TNS1: variants seen among roughly 807,000 people sequenced by gnomAD.
TNS1 encodes tensin-1.
A neutral mutation model predicts 168.6 loss-of-function variants in TNS1; 62 were observed. The ratio of observed to expected loss-of-function variants is 0.37; its 90% CI spans 0.30 to 0.45. TNS1 has a LOEUF of 0.45. TNS1 is among the 20% of genes least tolerant of loss of function. The pLI, the probability that TNS1 is intolerant of heterozygous loss-of-function variation, is 1.00. For missense variants in TNS1, 2,240 were observed against 2,339.4 expected, an observed-to-expected ratio of 0.96 and a Z score of 0.88; for synonymous variants, 934 against 933.2, an observed-to-expected ratio of 1.00 and a Z score of -0.02.
rs138528346 is a variant in TNS1, at chr2:217,973,430, A to G, written c.186+5335T>C. 1.7e-4 allele frequency among the ~76,000 whole-genome samples: 26 copies of G among 151,982 alleles called. No homozygotes were observed. The East Asian group carries it at 4.8e-3, about 28-fold the overall frequency. On this transcript the variant is annotated intron_variant, in intron 3 of 32. Coordinates refer to ENST00000682258, the MANE Select transcript of TNS1 (RefSeq NM_001387777.1). ...CTGGGCCATTCATTTTAAATCCTCA[A>G]CAGGAGAGAAACAACTGGGGACAGA...
rs1381209380 is a variant in TNS1, at chr2:217,835,010, C to T, written c.3280+81G>A. 4 of 1,310,850 alleles carry T rather than the reference C, an allele frequency of 3.1e-6. No homozygotes were observed. The East Asian group carries it at 1.1e-4, about 35-fold the overall frequency. 81.2% of individuals were successfully genotyped at this position (1,310,850 alleles called of 1,614,324 possible). ...GGCACTGTCACCCCCAACCCTCAGG[C>T]CTGGGGCACTCCCACAGGCAGGGTT... On this transcript the variant is annotated intron_variant, in intron 21 of 32. Coordinates refer to ENST00000682258, the MANE Select transcript of TNS1 (RefSeq NM_001387777.1).
In TNS1 at chr2:217,980,332, G is replaced by A. The variant is rs537178642; in HGVS notation, c.149-1530C>T. ...TCTTTCTGCTTCTCCCTCTCCCTCA[G>A]CACCACCACCAGCCCGGGTAGCAAC... On this transcript the variant is annotated intron_variant, in intron 2 of 32. Coordinates refer to ENST00000682258, the MANE Select transcript of TNS1 (RefSeq NM_001387777.1). Among the ~76,000 whole-genome samples the A allele has an allele frequency of 7.2e-5, 11 of 152,140 alleles. No individual in the cohort carries two copies. In the South Asian group the frequency reaches 2.3e-3, roughly 32 times the overall value.
chr2:217,808,326 G>T (rs543581677), intron 31 of TNS1, among the ~76,000 whole-genome samples: 2 of 152,166 alleles, frequency 1.3e-5, no homozygotes, highest in African/African-American at 4.8e-5. Context: ...CTCCTGAGGG[G>T]CTCTCCCCAT....
chr2:217,989,525 A>C (rs1401330859), intron 2 of TNS1, among the ~76,000 whole-genome samples: 1 of 152,082 alleles, frequency 6.6e-6, no homozygotes, highest in Admixed American at 6.5e-5. Flanking sequence ...GGGTGAGTGA[A>C]GGTGTCAGCC....
chr2:218,016,856 G>A (rs1390948141), intron 1 of TNS1, among the ~76,000 whole-genome samples: 2 of 152,206 alleles, frequency 1.3e-5, no homozygotes, highest in African/African-American at 4.8e-5. Flanking sequence ...GAAAGGAAAG[G>A]GAGACAGGGA....
intron 3 of TNS1, among the ~76,000 whole-genome samples, chr2:217,935,734 A>G (rs2125918955): frequency 6.6e-6 from 1 of 152,344 alleles, no homozygotes; most frequent in East Asian, 1.9e-4. Context: ...AGTAATAACC[A>G]TAACAAAAAC....
intron 23 of TNS1, among the ~76,000 whole-genome samples, chr2:217,821,349 C>T (rs570144914): frequency 2.0e-5 from 3 of 152,256 alleles, no homozygotes; most frequent in East Asian, 1.9e-4. Flanking sequence ...AGGATTGCTG[C>T]GAGGATTAAA....
chr2:217,916,306 C>T (rs966986652), intron 4 of TNS1, among the ~76,000 whole-genome samples: 3 of 151,834 alleles, frequency 2.0e-5, no homozygotes, highest in East Asian at 1.9e-4. Flanking sequence ...CCAGACCCCC[C>T]ACCCTGACCT....
Position 217,956,510 on chromosome 2 carries a change from A to T in TNS1, c.186+22255T>A, listed in dbSNP as rs113502917. Among the ~76,000 whole-genome samples, 240 of 152,278 alleles carry T rather than the reference A, an allele frequency of 1.6e-3. 1 individual carries two copies. Among genetic ancestry groups the T allele is most frequent in the African/African-American group, 5.4e-3 (226 of 41,568 alleles). On this transcript the variant is annotated intron_variant, in intron 3 of 32. Coordinates refer to ENST00000682258, the MANE Select transcript of TNS1 (RefSeq NM_001387777.1). ...GAAGGAGCAAGGCTGCGGGGAGAGG[A>T]TGGAGACACAGGCGCTGGAAAGTCC...
At chr2:217,845,602 C>T (rs1186658998) in intron 19 of TNS1, among the ~76,000 whole-genome samples, 1 of 152,224 alleles carries the variant, frequency 6.6e-6, no homozygotes, top group Non-Finnish European at 1.5e-5. Flanking sequence ...GAGGAAATGG[C>T]AACAGGGTTA....
At chr2:217,842,916 C>T (rs969774399) in intron 19 of TNS1, among the ~76,000 whole-genome samples, 1 of 152,174 alleles carries the variant, frequency 6.6e-6, no homozygotes, top group Non-Finnish European at 1.5e-5. Context: ...CCCCCTACCT[C>T]TCACTGCTTT....
At chr2:217,919,685 C>T (rs1192199232) in intron 4 of TNS1, among the ~76,000 whole-genome samples, 4 of 152,284 alleles carry the variant, frequency 2.6e-5, no homozygotes, top group South Asian at 2.1e-4. Context: ...AAGGCTGATT[C>T]GGGGGTGACG....
chr2:217,998,221 G>GTCTCTCTCTCTCTCTCTCTCTCTC (rs60663810), intron 1 of TNS1, among the ~76,000 whole-genome samples: 2 of 149,460 alleles, frequency 1.3e-5, no homozygotes, highest in African/African-American at 5.0e-5. Flanking sequence ...CTCCATCAGT[G>GTCTCTCTCTCTCTCTCTCTCTCTC]TCTCTCTCTC....
chr2:217,886,220 T>G, intron 13 of TNS1, 116 bp from the exon 14 acceptor site: 1 of 1,115,104 alleles, frequency 9.0e-7, no homozygotes. Flanking sequence ...GAAGACGGGG[T>G]AGGAAGGGGA....
At chr2:218,005,420 C>T (rs943377219), upstream of TNS1, among the ~76,000 whole-genome samples, 1 of 152,220 alleles carries the variant, frequency 6.6e-6, no homozygotes, top group Non-Finnish European at 1.5e-5. Context: ...CCAGAATACC[C>T]CCATCCCTCT....
chr2:218,025,270 A>G (rs996142627), intron 1 of TNS1, among the ~76,000 whole-genome samples: 2 of 152,052 alleles, frequency 1.3e-5, no homozygotes, highest in Non-Finnish European at 2.9e-5. Flanking sequence ...ATTTTTTGAG[A>G]CAGAGTCTTG....
chr2:217,978,814 C>A lies in TNS1; in HGVS notation c.149-12G>T. The stretch of plus-strand genomic sequence containing the variant: ...GGAGAAGCTGCAGACTGCAAGAGGG[C>A]GAGACACAGAAAGAAAGTTTTAGCC... On this transcript the variant is annotated splice_polypyrimidine_tract_variant and intron_variant, in intron 2 of 32. Transcript: ENST00000682258. 1 of 702,278 alleles carries A rather than the reference C, an allele frequency of 1.4e-6. No homozygotes were observed. The highest frequency in any genetic ancestry group is 2.7e-5 in the East Asian group (1 of 37,224). 43.5% of individuals were successfully genotyped at this position (702,278 alleles called of 1,614,324 possible). A position where few individuals can be genotyped will look rare whatever the true frequency, so the allele number is the denominator to read the frequency against.
intron 18 of TNS1, among the ~76,000 whole-genome samples, chr2:217,852,852 G>T (rs1433572197): frequency 6.6e-6 from 1 of 152,172 alleles, no homozygotes; most frequent in East Asian, 1.9e-4. Context: ...AACTACAAAT[G>T]GAAATGTCTC....
rs185359221 is a variant in TNS1, at chr2:217,985,810, T to C, written c.148+5132A>G. On this transcript the variant is annotated intron_variant, in intron 2 of 32. Transcript: ENST00000682258. ...TACTAGTAAGGGTCAGAGTGGGGAT[T>C]TGAATCAGAACATCTAAGTCAAGGA... Among the ~76,000 whole-genome samples, 427 of 152,212 alleles carry C rather than the reference T, an allele frequency of 2.8e-3. 3 individuals carry two copies. Among genetic ancestry groups the C allele is most frequent in the African/African-American group, 9.4e-3 (391 of 41,536 alleles).
Sources: gnomAD v4.1 joint callset for allele counts (sites outside exome capture counted in the v4.1 genomes callset) on GRCh38, gnomAD v4.1.1 for gene constraint, MANE v1.5 for transcripts, NCBI Gene and HGNC (gene_info 2026-07-23, HGNC 2026-07-21) for gene names.